POU6F1: variants seen among roughly 807,000 people sequenced by gnomAD.
POU6F1 encodes POU domain, class 6, transcription factor 1.
POU6F1 carries 9 observed loss-of-function variants against 28.9 expected under a neutral mutation model. That is an observed-to-expected ratio of 0.31 (90% CI 0.19 to 0.54). POU6F1 has a LOEUF of 0.54. Ranked by LOEUF, POU6F1 falls within the 20% of genes least tolerant of loss-of-function variation. POU6F1 has a pLI of 0.94. For synonymous variants in POU6F1, 173 were observed against 171.1 expected (o/e 1.01, Z -0.09); for missense variants, 338 against 426.1 (o/e 0.79, Z 1.82).
At chr12:51,205,073 C>G (rs1216907321) in intron 2 of POU6F1, among the ~76,000 whole-genome samples, 1 of 137,106 alleles carries the variant, frequency 7.3e-6, no homozygotes. Context: ...GAGTCTCGCT[C>G]TGTCACCCAG....
intron 8 of POU6F1, among the ~76,000 whole-genome samples, chr12:51,193,491 G>A (rs1012834216): frequency 1.3e-5 from 2 of 152,060 alleles, no homozygotes; most frequent in African/African-American, 2.4e-5. Context: ...CAGGAGAATC[G>A]CTTGAACACG....
chr12:51,195,858 C>T (rs1189117922), intron 8 of POU6F1, 112 bp downstream of exon 8: 1 of 1,246,566 alleles, frequency 8.0e-7, no homozygotes, highest in African/African-American at 1.5e-5. Flanking sequence ...AGGAAGCGCC[C>T]TGCACTCCCA....
chr12:51,203,439 T>C (rs1398566184), intron 3 of POU6F1, among the ~76,000 whole-genome samples: 2 of 152,116 alleles, frequency 1.3e-5, no homozygotes, highest in Non-Finnish European at 2.9e-5. Flanking sequence ...GGCCTCAACA[T>C]AGAAGCAGAG....
intron 2 of POU6F1, among the ~76,000 whole-genome samples, chr12:51,205,034 C>CTTTTTTT (rs767521766): frequency 2.6e-5 from 3 of 113,656 alleles, no homozygotes; most frequent in African/African-American, 6.9e-5. Flanking sequence ...TGGACTGCAG[C>CTTTTTTT]TTTTTTTTTT....
At chr12:51,196,514 A>G (rs1942836982) in intron 7 of POU6F1, among the ~76,000 whole-genome samples, 2 of 152,224 alleles carry the variant, frequency 1.3e-5, no homozygotes, top group Non-Finnish European at 2.9e-5. Context: ...TTTGTACTCC[A>G]AAGAAAGTGA....
intron 2 of POU6F1, among the ~76,000 whole-genome samples, chr12:51,205,818 CTT>C (rs779988625): frequency 1.3e-4 from 17 of 135,940 alleles, no homozygotes; most frequent in Non-Finnish European, 1.4e-4. Flanking sequence ...TCTTTTCTTT[CTT>C]TTTTTTTTTT....
chr12:51,203,988 G>A (rs1186516788), intron 3 of POU6F1, among the ~76,000 whole-genome samples, 185 bp downstream of exon 3: 2 of 152,162 alleles, frequency 1.3e-5, no homozygotes, highest in Non-Finnish European at 2.9e-5. Context: ...TAGAACTAAA[G>A]CTCCAGAAAC....
chr12:51,209,068 T>C (rs6580808), intron 1 of POU6F1, among the ~76,000 whole-genome samples: 100,587 of 152,034 alleles, frequency 0.66, 33,550 homozygotes, highest in South Asian at 0.71. Context: ...AGAAATAAAT[T>C]TCTGTTGTTT....
intron 1 of POU6F1, among the ~76,000 whole-genome samples, chr12:51,215,553 C>G (rs1944243381): frequency 1.7e-5 from 1 of 58,700 alleles, no homozygotes; most frequent in African/African-American, 8.5e-5. Flanking sequence ...GAAACCCTGT[C>G]TCAAAAAAAA....
At chr12:51,198,835 C>A in intron 4 of POU6F1, 60 bp from the exon 5 acceptor site, 1 of 398,350 alleles carries the variant, frequency 2.5e-6, no homozygotes, top group Middle Eastern at 6.3e-4. Context: ...ACATTGACAG[C>A]GCAAACACTG....
At position 51,196,810 on chromosome 12, in the gene POU6F1, C is replaced by T. The variant is rs77905600; in HGVS notation, c.964G>A (p.Ala322Thr). The change falls in exon 7 of 11, where the codon GCT becomes ACT. Residue 322 changes from alanine to threonine, a missense_variant. Ala to Thr is a moderately conservative substitution (Grantham distance 58). Transcript: ENST00000333640. Reference protein sequence around the residue: ...PGISSQILTNAQGQVIGTLPW... With the variant: ...PGISSQILTNTQGQVIGTLPW... Reference sequence around the variant, plus strand: ...CTTTGGCCACTTGCCTGTCCCTGAGCATTGGTGAGGATCTGACTGCTGATC... The same window carrying T: ...CTTTGGCCACTTGCCTGTCCCTGAGTATTGGTGAGGATCTGACTGCTGATC... 2,122 of 1,613,958 alleles carry T rather than the reference C, an allele frequency of 1.3e-3. 59 individuals are homozygous for T. The East Asian group carries it at 0.043, about 33-fold the overall frequency.
intron 8 of POU6F1, 128 bp downstream of exon 8, chr12:51,195,842 C>G (rs1565607131): frequency 3.6e-6 from 4 of 1,103,194 alleles, no homozygotes; most frequent in South Asian, 1.6e-5. Flanking sequence ...GGACCTCCCC[C>G]ACTTTAGGAA....
Position 51,199,104 on chromosome 12 carries a change from C to G in POU6F1, c.367-329G>C, listed in dbSNP as rs1030595281. Among the ~76,000 whole-genome samples, 1 of 152,234 alleles carries G rather than the reference C, an allele frequency of 6.6e-6. No homozygotes were observed. Among genetic ancestry groups the G allele is most frequent in the South Asian group, 2.1e-4 (1 of 4,834 alleles). ...TCCGCGAGCCCTTGCTGACAGGCCC[C>G]GTGCTTAGTGGCCAGGGAACAGGGA... is the stretch of plus-strand genomic sequence containing the variant. On this transcript the variant is annotated intron_variant, in intron 4 of 10. Coordinates refer to ENST00000333640, the MANE Select transcript of POU6F1 (RefSeq NM_001330422.2). The surrounding 1 kb of genome is among the most constrained non-coding windows in gnomAD (Gnocchi z 4.1).
chr12:51,194,342 T>TA (rs1020294796), intron 8 of POU6F1, among the ~76,000 whole-genome samples: 2 of 152,004 alleles, frequency 1.3e-5, no homozygotes, highest in Non-Finnish European at 2.9e-5. Flanking sequence ...CAGGGATTTT[T>TA]AAAAAATGCA....
In POU6F1 at chr12:51,191,580, G is replaced by C. The variant is rs1565599861; in HGVS notation, c.1490+16C>G. Reference sequence around the variant, plus strand: ...GCTGAGCAGGCCCTAATCCTGTCTAGGGCAGCCTTACTCACCGGCAGATGG... The same window carrying C: ...GCTGAGCAGGCCCTAATCCTGTCTACGGCAGCCTTACTCACCGGCAGATGG... On this transcript the variant is annotated intron_variant, in intron 10 of 10. Transcript: ENST00000333640. 5 of 1,611,080 alleles carry C rather than the reference G, an allele frequency of 3.1e-6. No homozygotes were observed. The highest frequency in any genetic ancestry group is 3.4e-6 in the Non-Finnish European group (4 of 1,179,088).
intron 9 of POU6F1, 119 bp from the exon 10 acceptor site, chr12:51,191,883 A>C: frequency 3.9e-5 from 49 of 1,248,084 alleles, no homozygotes; most frequent in Non-Finnish European, 5.3e-5. Flanking sequence ...GAAAAGGCTC[A>C]CGCACCTTCA....
At chr12:51,200,881 T>C (rs1239668975) in intron 3 of POU6F1, among the ~76,000 whole-genome samples, 1 of 152,050 alleles carries the variant, frequency 6.6e-6, no homozygotes, top group African/African-American at 2.4e-5. Flanking sequence ...TTAGGAGAGA[T>C]GGGTTTTCAC....
rs145795413 is a variant in POU6F1, at chr12:51,193,611, T to C, written c.1180-1140A>G. On this transcript the variant is annotated intron_variant, in intron 8 of 10. Transcript: ENST00000333640. The stretch of plus-strand genomic sequence containing the variant: ...AAAAATAATTTAAAAAAAAAGAAAA[T>C]CAGTTTTTATGGAATAATGCCTTTA... 7.2e-3 allele frequency among the ~76,000 whole-genome samples: 1,100 copies of C among 152,060 alleles called. 13 individuals carry two copies. Among genetic ancestry groups the C allele is most frequent in the African/African-American group, 0.025 (1,038 of 41,468 alleles).
At chr12:51,201,625 A>G (rs1943216044) in intron 3 of POU6F1, 1 of 152,176 alleles carries the variant, frequency 6.6e-6, no homozygotes. Flanking sequence ...GTGACAAAGC[A>G]TAACAAGTAA....
Sources: allele counts gnomAD v4.1 joint callset (sites outside exome capture counted in the v4.1 genomes callset), GRCh38; gene constraint gnomAD v4.1.1; non-coding constraint Gnocchi (gnomAD v3.1); transcripts MANE v1.5; gene names NCBI Gene and HGNC (gene_info 2026-07-23, HGNC 2026-07-21).